The following RBMS3 variants were observed in gnomAD, a reference collection of about 807,000 sequenced individuals.
RBMS3 encodes RNA-binding motif, single-stranded-interacting protein 3.
A neutral mutation model predicts 66.8 loss-of-function variants in RBMS3; 27 were observed. The observed-to-expected ratio is 0.40, with a 90% CI of 0.30 to 0.56. RBMS3 has a LOEUF of 0.56. Ranked by LOEUF, RBMS3 falls within the 20% of genes least tolerant of loss-of-function variation. The pLI is 0.40. For missense variants in RBMS3, 513 were observed against 549.5 expected, an observed-to-expected ratio of 0.93 and a Z score of 0.66; for synonymous variants, 188 against 183.0, an observed-to-expected ratio of 1.03 and a Z score of -0.22.
At chr3:29,349,300 T>A (rs2036766850) in intron 1 of RBMS3, among the ~76,000 whole-genome samples, 2 of 152,202 alleles carry the variant, frequency 1.3e-5, no homozygotes. Context: ...TCTCTATTCC[T>A]CTGTAACCCA....
intron 10 of RBMS3, among the ~76,000 whole-genome samples, chr3:29,927,347 A>G (rs2060966706): frequency 6.6e-6 from 1 of 152,184 alleles, no homozygotes; most frequent in Non-Finnish European, 1.5e-5. Context: ...AGCAAGTGCC[A>G]TTCACTCACT....
rs182062815 is a variant in RBMS3 at position 29,604,837 on chromosome 3, A to C, written c.399+17632A>C. On this transcript the variant is annotated intron_variant, in intron 4 of 14. Transcript: ENST00000383767. ...ATTAGTTTTCCTCCAGGGATAGACT[A>C]CTAGAAGAGTGGAAATTTGGTTGGC... Among the ~76,000 whole-genome samples, 10 of 152,058 alleles carry C rather than the reference A, an allele frequency of 6.6e-5. No individual in the cohort carries two copies. In the East Asian group the frequency reaches 1.7e-3, roughly 27 times the overall value.
chr3:29,991,015 C>A, intron 13 of RBMS3, 67 bp from the exon 14 acceptor site: 8 of 1,499,934 alleles, frequency 5.3e-6, no homozygotes, highest in Non-Finnish European at 7.4e-6. Flanking sequence ...GGGGTACTTA[C>A]AGCCTATCTA....
In RBMS3 at chr3:29,554,515, G is replaced by T. The variant is rs1245128928; in HGVS notation, c.308-32599G>T. 3.9e-5 allele frequency among the ~76,000 whole-genome samples: 6 copies of T among 152,132 alleles called. No homozygotes were observed. The East Asian group carries it at 1.2e-3, about 29-fold the overall frequency. On this transcript the variant is annotated intron_variant, in intron 3 of 14. Transcript: ENST00000383767. Reference sequence around the variant, plus strand: ...AATGAGAGACTTATTTACTATAAATGGAAGTAAATAAGTATCCACAAAATT... The same window carrying T: ...AATGAGAGACTTATTTACTATAAATTGAAGTAAATAAGTATCCACAAAATT...
chr3:29,603,301 T>G (rs535024403), intron 4 of RBMS3, among the ~76,000 whole-genome samples: 83 of 152,142 alleles, frequency 5.5e-4, no homozygotes, highest in African/African-American at 1.7e-3. Context: ...ATATCCTATC[T>G]CATGTCTAAC....
At chr3:29,664,552 A>G (rs72846084) in intron 4 of RBMS3, among the ~76,000 whole-genome samples, 5,405 of 152,122 alleles carry the variant, frequency 0.036, 212 homozygotes, top group African/African-American at 0.091. Flanking sequence ...AAGTTGAAGC[A>G]ATGGTTTTTT....
intron 7 of RBMS3, among the ~76,000 whole-genome samples, chr3:29,877,706 A>G (rs1022729642): frequency 6.6e-6 from 1 of 152,166 alleles, no homozygotes; most frequent in African/African-American, 2.4e-5. Flanking sequence ...CTCTCCTGGT[A>G]GAAACAAACC....
chr3:29,927,403 C>G (rs1450348570), intron 10 of RBMS3, among the ~76,000 whole-genome samples: 3 of 152,148 alleles, frequency 2.0e-5, no homozygotes, highest in Non-Finnish European at 1.5e-5. Flanking sequence ...ATGACAGACA[C>G]TGTGCTGGGC....
At chr3:29,504,671 T>G (rs2044113019) in intron 3 of RBMS3, among the ~76,000 whole-genome samples, 1 of 152,100 alleles carries the variant, frequency 6.6e-6, no homozygotes, top group South Asian at 2.1e-4. Flanking sequence ...ACCTCTATAC[T>G]GTTTTCTCTA....
chr3:29,326,932 G>A (rs905317806), intron 1 of RBMS3, among the ~76,000 whole-genome samples: 3 of 151,972 alleles, frequency 2.0e-5, no homozygotes, highest in East Asian at 1.9e-4. Flanking sequence ...GGGTTTCACC[G>A]TGTTGGCCAG....
At chr3:29,860,076 A>G (rs564587478) in intron 6 of RBMS3, among the ~76,000 whole-genome samples, 54 of 152,332 alleles carry the variant, frequency 3.5e-4, no homozygotes, top group African/African-American at 1.3e-3. Context: ...GAAAATGATT[A>G]AAGGCATGGG....
At chr3:30,001,045 AAG>A (rs1491470306) in intron 14 of RBMS3, among the ~76,000 whole-genome samples, 2 of 150,884 alleles carry the variant, frequency 1.3e-5, no homozygotes, top group African/African-American at 2.4e-5. Flanking sequence ...TAATAAAAAA[AAG>A]AAAAGAAAAA....
At chr3:29,809,426 C>T (rs971366849) in intron 6 of RBMS3, among the ~76,000 whole-genome samples, 1 of 151,604 alleles carries the variant, frequency 6.6e-6, no homozygotes, top group African/African-American at 2.4e-5. Flanking sequence ...GCATGTTAAA[C>T]CAGATTAGCA....
chr3:29,540,393 GACTCT>G (rs2045713893), intron 3 of RBMS3, among the ~76,000 whole-genome samples: 2 of 151,948 alleles, frequency 1.3e-5, no homozygotes, highest in Admixed American at 1.3e-4. Flanking sequence ...CTTTTCATTT[GACTCT>G]ACTCTATAAG....
chr3:29,619,289 TAAAG>T (rs1489905939), intron 4 of RBMS3, among the ~76,000 whole-genome samples: 1 of 149,316 alleles, frequency 6.7e-6, no homozygotes, highest in Non-Finnish European at 1.5e-5. Context: ...AAAAAATGAA[TAAAG>T]AAAACAGTTT....
At chr3:29,595,628 A>T (rs2047919810) in intron 4 of RBMS3, among the ~76,000 whole-genome samples, 1 of 152,138 alleles carries the variant, frequency 6.6e-6, no homozygotes, top group African/African-American at 2.4e-5. Context: ...ATTGTTGTCC[A>T]TGGGGTGTGC....
intron 6 of RBMS3, among the ~76,000 whole-genome samples, chr3:29,773,638 C>T (rs187950221): frequency 2.7e-4 from 41 of 152,130 alleles, no homozygotes; most frequent in African/African-American, 9.6e-4. Context: ...AGTGTTTGCC[C>T]GTGGCCATCA....
intron 1 of RBMS3, among the ~76,000 whole-genome samples, chr3:29,326,332 A>G (rs1041900726): frequency 2.6e-5 from 4 of 152,098 alleles, no homozygotes; most frequent in East Asian, 1.9e-4. Flanking sequence ...ATGATCCCCA[A>G]TAAGTCTCCA....
At chr3:29,439,186 G>C (rs2041516103) in intron 2 of RBMS3, among the ~76,000 whole-genome samples, 1 of 152,104 alleles carries the variant, frequency 6.6e-6, no homozygotes, top group Non-Finnish European at 1.5e-5. Flanking sequence ...AACACGAAAG[G>C]ACAAGATGAT....
Sources: gnomAD v4.1 joint callset for allele counts (sites outside exome capture counted in the v4.1 genomes callset) on GRCh38, gnomAD v4.1.1 for gene constraint, MANE v1.5 for transcripts, NCBI Gene and HGNC (gene_info 2026-07-23, HGNC 2026-07-21) for gene names.